The following GREB1 variants were observed in gnomAD, a reference collection of about 807,000 sequenced individuals.
GREB1 encodes growth regulating estrogen receptor binding 1, also known as protein GREB1.
GREB1 carries 106 observed loss-of-function variants against 200.7 expected under a neutral mutation model. The ratio of observed to expected loss-of-function variants is 0.53; its 90% confidence interval spans 0.45 to 0.62. GREB1 has a LOEUF of 0.62. GREB1 is among the 20% of genes least tolerant of loss of function. The pLI is 0.00. For missense variants in GREB1, 2,243 were observed against 2,556.8 expected (o/e 0.88, Z 2.65); for synonymous variants, 1,132 against 1,092.4 (o/e 1.04, Z -0.72).
At chr2:11,526,236 T>C (rs1314665705) in intron 1 of GREB1, among the ~76,000 whole-genome samples, 4 of 152,188 alleles carry the variant, frequency 2.6e-5, no homozygotes, top group Non-Finnish European at 4.4e-5. Flanking sequence ...CGGCACTTCA[T>C]GAGACTCTGT....
At chr2:11,617,498 A>G (rs1244509807) in intron 21 of GREB1, among the ~76,000 whole-genome samples, 2 of 152,306 alleles carry the variant, frequency 1.3e-5, no homozygotes, top group East Asian at 1.9e-4. Context: ...TTTTGCACAC[A>G]TTTTCACTTC....
At chr2:11,608,399 C>CA (rs1682607211) in intron 17 of GREB1, among the ~76,000 whole-genome samples, 1 of 152,144 alleles carries the variant, frequency 6.6e-6, no homozygotes, top group African/African-American at 2.4e-5. Flanking sequence ...TGGTTCCCCC[C>CA]CTTTATTATG....
chr2:11,544,272 G>A (rs903562633), intron 1 of GREB1, among the ~76,000 whole-genome samples: 5 of 151,728 alleles, frequency 3.3e-5, no homozygotes, highest in Admixed American at 2.6e-4. Context: ...GCTGGAGTGC[G>A]GTGGTGTGAT....
intron 1 of GREB1, among the ~76,000 whole-genome samples, chr2:11,484,877 G>C (rs1418286359): frequency 6.6e-6 from 1 of 152,206 alleles, no homozygotes. Context: ...ACGGAGTCTC[G>C]CTCTTTCGCC....
intron 1 of GREB1, among the ~76,000 whole-genome samples, chr2:11,494,638 TG>T (rs1672839582): frequency 6.6e-6 from 1 of 152,196 alleles, no homozygotes; most frequent in South Asian, 2.1e-4. Context: ...GGGAGTGATC[TG>T]AGTGGTTAAG....
chr2:11,486,849 C>T (rs959819499), intron 1 of GREB1, among the ~76,000 whole-genome samples: 6 of 151,660 alleles, frequency 4.0e-5, no homozygotes, highest in Non-Finnish European at 7.4e-5. Context: ...GCCTGGGCAA[C>T]GAGATCGAAA....
chr2:11,488,890 AG>A (rs1450903175), intron 1 of GREB1, among the ~76,000 whole-genome samples: 2,052 of 51,222 alleles, frequency 0.04, 69 homozygotes, highest in Admixed American at 0.18. Flanking sequence ...AAAAAAAAAA[AG>A]ATTGAGAAGC....
At chr2:11,575,206 AC>A (rs1184430062) in intron 4 of GREB1, among the ~76,000 whole-genome samples, 1 of 152,240 alleles carries the variant, frequency 6.6e-6, no homozygotes, top group Non-Finnish European at 1.5e-5. Context: ...AGAATATGAT[AC>A]ATGAGTCTTA....
At chr2:11,497,256 T>C (rs1301550549) in intron 1 of GREB1, among the ~76,000 whole-genome samples, 1 of 152,242 alleles carries the variant, frequency 6.6e-6, no homozygotes, top group African/African-American at 2.4e-5. Context: ...TTCCTACTCA[T>C]TGTAATTCTC....
In GREB1 at chr2:11,580,870, T is replaced by C; in HGVS notation, c.901+38T>C. The C allele has an allele frequency of 6.2e-7, 1 of 1,613,924 alleles. No individual in the cohort carries two copies. The highest frequency in any genetic ancestry group is 1.1e-5 in the South Asian group (1 of 91,068). ...GTCCTGGCCGTCCTGGGGATCCTGCTCTTCTTTGGGCCAAGGCCAGAGGGG... is the reference window on the plus strand; with the variant it reads ...GTCCTGGCCGTCCTGGGGATCCTGCCCTTCTTTGGGCCAAGGCCAGAGGGG... On this transcript the variant is annotated intron_variant, in intron 7 of 32. Coordinates refer to ENST00000381486, the MANE Select transcript of GREB1 (RefSeq NM_014668.4). The surrounding 1 kb of genome is among the most constrained non-coding windows in gnomAD (Gnocchi z 4.5).
intron 1 of GREB1, among the ~76,000 whole-genome samples, chr2:11,509,089 A>T (rs1254431873): frequency 6.7e-6 from 1 of 149,712 alleles, no homozygotes; most frequent in African/African-American, 2.5e-5. Flanking sequence ...GTTAGCCAGG[A>T]TGGTCTCGAT....
intron 17 of GREB1, among the ~76,000 whole-genome samples, chr2:11,605,200 AAC>A (rs1267150073): frequency 7.9e-6 from 1 of 127,012 alleles, no homozygotes; most frequent in African/African-American, 2.9e-5. Context: ...AATGGGGAAT[AAC>A]TGACAGCCAG....
intron 17 of GREB1, among the ~76,000 whole-genome samples, chr2:11,603,220 G>A (rs1572886609): frequency 1.3e-5 from 2 of 152,218 alleles, no homozygotes; most frequent in East Asian, 1.9e-4. Context: ...TGGTTTATTC[G>A]TGGTAAAGCC....
Position 11,618,544 on chromosome 2 carries a change from C to T in GREB1, c.3669C>T (p.Ser1223=), listed in dbSNP as rs187116811. 3 of 1,612,654 alleles carry T rather than the reference C, an allele frequency of 1.9e-6. No homozygotes were observed. Among genetic ancestry groups the T allele is most frequent in the East Asian group, 2.2e-5 (1 of 44,846 alleles). ...VSVTSSCSQL[S]SSSGSSSSSV... ...TCACCTCGTCGTGCTCCCAGCTGTCCTCCTCCTCGGGCTCATCCTCCTCAT... is the reference window on the plus strand; with the variant it reads ...TCACCTCGTCGTGCTCCCAGCTGTCTTCCTCCTCGGGCTCATCCTCCTCAT... Residue 1223 remains serine (S), a synonymous_variant, in exon 22 of 33, where the codon TCC becomes TCT. Coordinates refer to ENST00000381486, the MANE Select transcript of GREB1 (RefSeq NM_014668.4).
rs1458704429 is a variant in GREB1, at chr2:11,483,686, G to GT, written c.-159+1305_-159+1306insT. On this transcript the variant is annotated intron_variant, in intron 1 of 2. Coordinates refer to the GREB1 transcript ENST00000628795. ...GGCTGCTTCCCCGAAGTACAAGAAG[G>GT]GGTGTGTGTGTGTGTGTGTGTGTGT... Among the ~76,000 whole-genome samples, 362 of 98,740 alleles carry GT rather than the reference G, an allele frequency of 3.7e-3. 2 individuals are homozygous for GT. The highest frequency in any genetic ancestry group is 0.016 in the African/African-American group (339 of 21,066). 64.8% of individuals were successfully genotyped at this position (98,740 alleles called of 152,430 possible). A position where few individuals can be genotyped will look rare whatever the true frequency, so the allele number is the denominator to read the frequency against.
intron 7 of GREB1, chr2:11,581,224 GGGGA>G: frequency 7.1e-6 from 4 of 561,584 alleles, no homozygotes; most frequent in Non-Finnish European, 9.4e-6. Flanking sequence ...TTGTTAGTCA[GGGGA>G]CCTTGGCCAA....
chr2:11,601,125 A>G, intron 16 of GREB1, 130 bp downstream of exon 16: 2 of 707,244 alleles, frequency 2.8e-6, no homozygotes, highest in Non-Finnish European at 4.5e-6. Context: ...CTTTGGTTCA[A>G]CCCAGAGTTA....
rs752065629 is a variant in GREB1 at position 11,633,102 on chromosome 2, G to A, written c.4991+39G>A. 3.1e-6 allele frequency: 5 copies of A among 1,599,704 alleles called. No individual in the cohort carries two copies. Among genetic ancestry groups the A allele is most frequent in the Non-Finnish European group, 4.3e-6 (5 of 1,167,940 alleles). On this transcript the variant is annotated intron_variant, in intron 28 of 32. Transcript: ENST00000381486. This position sits in a 1 kb window ranked among gnomAD's most constrained non-coding sequence, Gnocchi z 4.1. The stretch of plus-strand genomic sequence containing the variant: ...AGAGCACCACCTCCTGCCACCCTAC[G>A]AATGATGACCAACGAGTGTGCCCTC...
At chr2:11,511,227 A>C (rs1673341394) in intron 1 of GREB1, among the ~76,000 whole-genome samples, 1 of 152,128 alleles carries the variant, frequency 6.6e-6, no homozygotes, top group African/African-American at 2.4e-5. Flanking sequence ...TCTGTCCATC[A>C]TCCAGTAAAG....
Sources: gnomAD v4.1 joint callset for allele counts (sites outside exome capture counted in the v4.1 genomes callset) on GRCh38, gnomAD v4.1.1 for gene constraint, Gnocchi (gnomAD v3.1) non-coding constraint, MANE v1.5 for transcripts, NCBI Gene and HGNC (gene_info 2026-07-23, HGNC 2026-07-21) for gene names.